Variants in DENND1C observed in about 807,000 individuals in gnomAD.
DENND1C encodes the protein DENN domain-containing protein 1C.
In DENND1C, 64 loss-of-function variants were observed where a neutral mutation model predicts 87.9. The ratio of observed to expected loss-of-function variants is 0.73; its 90% CI spans 0.60 to 0.90. The LOEUF (loss-of-function observed/expected upper bound fraction) is 0.90, where lower values mean the gene tolerates loss of function less well. DENND1C is among the 40% of genes least tolerant of loss of function. The pLI is 0.00. For synonymous variants in DENND1C, 384 were observed against 424.4 expected (o/e 0.90, Z 1.17); for missense variants, 980 against 1,037.0 (o/e 0.95, Z 0.76).
Position 6,479,980 on chromosome 19 carries a change from A to G in DENND1C, c.82+7T>C. The stretch of plus-strand genomic sequence containing the variant: ...CCCACTCCCTCACTCCCAGGCTCCC[A>G]ACTCACCCTCCTGCAGGGAGGCAGG... On this transcript the variant is annotated splice_region_variant and intron_variant, in intron 2 of 22. Transcript: ENST00000381480. 1.4e-6 allele frequency: 2 copies of G among 1,457,792 alleles called. No individual in the cohort carries two copies. Among genetic ancestry groups the G allele is most frequent in the Non-Finnish European group, 1.8e-6 (2 of 1,086,158 alleles). 90.3% of individuals were successfully genotyped at this position (1,457,792 alleles called of 1,614,324 possible). A position where few individuals can be genotyped will look rare whatever the true frequency, so the allele number is the denominator to read the frequency against.
rs566199031 is a variant in DENND1C at position 6,477,107 on chromosome 19, C to T, written c.534G>A (p.Pro178=). The T allele has an allele frequency of 1.2e-5, 20 of 1,605,624 alleles. No individual in the cohort carries two copies. The highest frequency in any genetic ancestry group is 1.2e-4 in the South Asian group (11 of 90,496). ...NSKPLSCFVA[P]DSGRLPSIPE... is the part of the protein sequence containing the mutation. ...GGATGGATGGCAGGCGGCCGGAGTC[C>T]GGGGCCACGAAGCAGGAAAGCTGGT... The change falls in exon 9 of 23, where the codon CCG becomes CCA. Residue 178 remains proline (P), a synonymous_variant. Coordinates refer to ENST00000381480, the MANE Select transcript of DENND1C (RefSeq NM_024898.4).
Position 6,470,392 on chromosome 19 carries a change from G to A in DENND1C, c.1291-26C>T. ...CTGCGGGAGAGAAGATACCAAGGGG[G>A]AGAGGCTAGGGCCAGATCCCACCTC... On this transcript the variant is annotated intron_variant, in intron 17 of 22. Transcript: ENST00000381480. 5 of 1,606,812 alleles carry A rather than the reference G, an allele frequency of 3.1e-6. No homozygotes were observed. The South Asian group carries it at 4.5e-5, about 14-fold the overall frequency.
chr19:6,472,663 A>C (rs1308902122), intron 15 of DENND1C, among the ~76,000 whole-genome samples: 1 of 152,182 alleles, frequency 6.6e-6, no homozygotes, highest in Non-Finnish European at 1.5e-5. Context: ...TGCTGGGATT[A>C]CAGGCATGAG....
Position 6,479,312 on chromosome 19 carries a change from G to T in DENND1C, c.177-256C>A, listed in dbSNP as rs568099402. 1.2e-3 allele frequency among the ~76,000 whole-genome samples: 174 copies of T among 142,196 alleles called. 1 individual carries two copies. Among genetic ancestry groups the T allele is most frequent in the African/African-American group, 5.1e-3 (166 of 32,612 alleles). The allele number at this position is 142,196 out of a possible 152,430, so 93.3% of individuals were successfully genotyped here. ...GGGTCCTTGAATCCCTAAGTCCCTG[G>T]GTTCCTCAGTCCCTGAGTCCCTGAG... On this transcript the variant is annotated intron_variant, in intron 4 of 22. Coordinates refer to ENST00000381480, the MANE Select transcript of DENND1C (RefSeq NM_024898.4).
intron 10 of DENND1C, 53 bp downstream of exon 10, chr19:6,476,804 C>T: frequency 6.5e-6 from 10 of 1,547,236 alleles, no homozygotes; most frequent in Non-Finnish European, 8.7e-6. Context: ...GTCCCGCCCC[C>T]CGGGGCGGAG....
Position 6,468,414 on chromosome 19 carries a change from C to T in DENND1C, c.1611G>A (p.Glu537=). Residue 537 remains glutamate, a synonymous_variant, in exon 22 of 23, where the codon GAG becomes GAA. Coordinates refer to ENST00000381480, the MANE Select transcript of DENND1C (RefSeq NM_024898.4). ...GAGCTTCTTCTGCCCACGGGCACCC[C>T]TCATCCTCAGGGCTCAGTGGGGGTG... is the stretch of plus-strand genomic sequence containing the variant. The part of the protein sequence containing the change: ...AGTPPLSPED[E]GCPWAEEALD... 6.2e-7 allele frequency: 1 copy of T among 1,613,548 alleles called. No homozygotes were observed. The highest frequency in any genetic ancestry group is 2.2e-5 in the East Asian group (1 of 44,866).
intron 19 of DENND1C, among the ~76,000 whole-genome samples, chr19:6,469,262 C>T (rs2092814689): frequency 6.6e-6 from 1 of 152,052 alleles, no homozygotes. Context: ...AACTCCTGAC[C>T]TCAAGTGATC....
chr19:6,468,317 C>G lies in DENND1C; in HGVS notation c.1708G>C (p.Gly570Arg). The G allele has an allele frequency of 6.2e-7, 1 of 1,613,800 alleles. No homozygotes were observed. The highest frequency in any genetic ancestry group is 8.5e-7 in the Non-Finnish European group (1 of 1,179,838). ...LSEILDSLSMGAKSAGSLRPS... is the reference protein window; with the variant it reads ...LSEILDSLSMRAKSAGSLRPS... ...CTCAGGCTGCCTGCGCTCTTGGCTC[C>G]CATGCTAAGACTGTCCAGAATCTCG... The change falls in exon 22 of 23, where the codon GGA becomes CGA. Residue 570 changes from glycine to arginine, a missense_variant. Gly to Arg is a moderately radical substitution (Grantham distance 125). Coordinates refer to ENST00000381480, the MANE Select transcript of DENND1C (RefSeq NM_024898.4).
intron 1 of DENND1C, chr19:6,480,271 CTG>C (rs760220537): frequency 8.3e-5 from 119 of 1,430,362 alleles, no homozygotes; most frequent in Admixed American, 2.9e-4. Flanking sequence ...GAAAGTGTGA[CTG>C]TGTGTGTGTG....
At chr19:6,478,716 G>C in intron 6 of DENND1C, 67 bp downstream of exon 6, 7 of 1,521,130 alleles carry the variant, frequency 4.6e-6, no homozygotes, top group South Asian at 3.6e-5. Flanking sequence ...CTGAGAGGGA[G>C]GGGTTGGGAG....
intron 22 of DENND1C, 45 bp downstream of exon 22, chr19:6,468,189 G>C: frequency 6.2e-7 from 1 of 1,612,478 alleles, no homozygotes; most frequent in South Asian, 1.1e-5. Flanking sequence ...TGGACCATTA[G>C]GGGAAGACTT....
chr19:6,480,116 G>A, intron 1 of DENND1C, 65 bp from the exon 2 acceptor site: 1 of 1,556,834 alleles, frequency 6.4e-7, no homozygotes, highest in Non-Finnish European at 8.7e-7. Context: ...CTGCCACTTT[G>A]CACACAAGTG....
chr19:6,477,321 G>C, intron 7 of DENND1C, 38 bp from the exon 8 acceptor site: 5 of 1,606,658 alleles, frequency 3.1e-6, no homozygotes, highest in Non-Finnish European at 4.3e-6. Flanking sequence ...ATGATGGCTG[G>C]GACGCAGCCT....
At position 6,478,971 on chromosome 19, in the gene DENND1C, G is replaced by C; in HGVS notation, c.262C>G (p.Arg88Gly). The C allele has an allele frequency of 6.2e-7, 1 of 1,613,832 alleles. No homozygotes were observed. The highest frequency in any genetic ancestry group is 1.3e-5 in the African/African-American group (1 of 74,998). The change falls in exon 5 of 23, where the codon CGG becomes GGG. Residue 88 changes from arginine (R) to glycine (G), a missense_variant. Transcript: ENST00000381480. ...CAGAGACAGCTCTGGGTACCCGCCC[G>C]CAGGCGGCAGAAACCAAATCTGCGG... ...GNRRFGFCRL[R>G]AGTQSCLCIL...
At chr19:6,473,162 GT>G (rs2092838673) in intron 14 of DENND1C, among the ~76,000 whole-genome samples, 169 bp from the exon 15 acceptor site, 1 of 152,040 alleles carries the variant, frequency 6.6e-6, no homozygotes, top group African/African-American at 2.4e-5. Context: ...TTGTTTGTTT[GT>G]TTTGTTTTTT....
At position 6,481,119 on chromosome 19, in the gene DENND1C, C is replaced by T. The variant is rs1345115940; in HGVS notation, c.17+560G>A. ...GGAGGGCAGGATACCTAGGTACTTA[C>T]TGTAAGCCCTGCAATCTCTGCTTTC... is the stretch of plus-strand genomic sequence containing the variant. On this transcript the variant is annotated intron_variant, in intron 1 of 22. Transcript: ENST00000381480. 2.0e-5 allele frequency among the ~76,000 whole-genome samples: 3 copies of T among 151,570 alleles called. No homozygotes were observed. In the East Asian group the frequency reaches 5.8e-4, roughly 29 times the overall value.
intron 10 of DENND1C, chr19:6,476,199 G>C (rs1266331520): frequency 2.1e-6 from 1 of 477,864 alleles, no homozygotes; most frequent in Non-Finnish European, 3.7e-6. Context: ...ACACCCCTGA[G>C]TCTTCCCCAT....
rs2092837636 is a variant in DENND1C, at chr19:6,472,965, A to G, written c.1082T>C (p.Val361Ala). The change falls in exon 15 of 23, where the codon GTC (valine) becomes GCC (alanine). Residue 361 changes from valine (V) to alanine (A), a missense_variant. By Grantham distance (64) the Val-to-Ala change is moderately conservative. Transcript: ENST00000381480. ...TGCCCCAGGCTTCTGGGCCAAGAAG[A>G]CTTCCTCACTGAAGGTCACTGGCTG... ...PGQPVTFSEEVFLAQKPGAPL... is the reference protein window; with the variant it reads ...PGQPVTFSEEAFLAQKPGAPL... 1 of 1,583,098 alleles carries G rather than the reference A, an allele frequency of 6.3e-7. No homozygotes were observed. Among genetic ancestry groups the G allele is most frequent in the Non-Finnish European group, 8.6e-7 (1 of 1,165,720 alleles).
At position 6,469,282 on chromosome 19, in the gene DENND1C, C is replaced by T. The variant is rs542321924; in HGVS notation, c.1407+314G>A. Among the ~76,000 whole-genome samples, 143 of 152,260 alleles carry T rather than the reference C, an allele frequency of 9.4e-4. 2 individuals are homozygous for T. The highest frequency in any genetic ancestry group is 3.4e-3 in the Middle Eastern group (1 of 294). ...CTGACCTCAAGTGATCCACCCTCCT[C>T]GGCCTCCCAAAGTGCTGGGGTTACA... On this transcript the variant is annotated intron_variant, in intron 19 of 22. Coordinates refer to ENST00000381480, the MANE Select transcript of DENND1C (RefSeq NM_024898.4).
Sources: allele counts gnomAD v4.1 joint callset (sites outside exome capture counted in the v4.1 genomes callset), GRCh38; gene constraint gnomAD v4.1.1; transcripts MANE v1.5; gene names NCBI Gene and HGNC (gene_info 2026-07-23, HGNC 2026-07-21).